The following LAMA1 variants were observed in gnomAD, a reference collection of about 807,000 sequenced individuals.
LAMA1 encodes the protein laminin subunit alpha-1.
In LAMA1, 219 loss-of-function variants were observed where a neutral mutation model predicts 348.7. That is an observed-to-expected ratio of 0.63 (90% CI 0.56 to 0.70). LAMA1 has a LOEUF of 0.70. Among genes scored for constraint, LAMA1 ranks in the 30% least tolerant of loss-of-function variants. The pLI, the probability that LAMA1 is intolerant of heterozygous loss-of-function variation, is 0.00. For synonymous variants in LAMA1, 1,487 were observed against 1,491.0 expected (o/e 1.00, Z 0.06); for missense variants, 3,744 against 3,888.0 (o/e 0.96, Z 0.99).
intron 22 of LAMA1, 42 bp downstream of exon 22, chr18:7,015,680 A>T: frequency 1.4e-5 from 22 of 1,612,198 alleles, no homozygotes; most frequent in Non-Finnish European, 1.9e-5. Context: ...GCTACAGCAA[A>T]GCAACTCTCA....
At position 6,941,974 on chromosome 18, in the gene LAMA1, A is replaced by C; in HGVS notation, c.*105T>G. ...ACAACATCTCTCCCCAGAAACACTT[A>C]ACCTGAGTTGGAAATGAAATATGAA... On this transcript the variant is annotated 3_prime_UTR_variant, in exon 63 of 63. Coordinates refer to ENST00000389658, the MANE Select transcript of LAMA1 (RefSeq NM_005559.4). 2.1e-6 allele frequency: 3 copies of C among 1,439,322 alleles called. No individual in the cohort carries two copies. In the African/African-American group the frequency reaches 4.2e-5, roughly 20 times the overall value. The allele number at this position is 1,439,322 out of a possible 1,614,324, so 89.2% of individuals were successfully genotyped here.
At chr18:6,955,252 A>G (rs976997228) in intron 57 of LAMA1, 101 bp downstream of exon 57, 2 of 926,552 alleles carry the variant, frequency 2.2e-6, no homozygotes, top group African/African-American at 3.3e-5. Flanking sequence ...ACTTCATCAT[A>G]AAATAAAAGC....
chr18:7,063,543 G>A (rs963820386), intron 3 of LAMA1, among the ~76,000 whole-genome samples: 12 of 152,196 alleles, frequency 7.9e-5, no homozygotes, highest in African/African-American at 2.9e-4. Context: ...GAATACACAT[G>A]TACACCAATG....
chr18:7,012,957 C>T (rs371472525), intron 23 of LAMA1, among the ~76,000 whole-genome samples: 2 of 150,854 alleles, frequency 1.3e-5, no homozygotes, highest in Non-Finnish European at 3.0e-5. Context: ...GTCAGGAGTT[C>T]GAGACCAGCC....
In LAMA1 at chr18:7,010,397, TA is replaced by T; in HGVS notation, c.3688-13del. 2 of 1,612,732 alleles carry T rather than the reference TA, an allele frequency of 1.2e-6. No individual in the cohort carries two copies. The highest frequency in any genetic ancestry group is 1.1e-5 in the South Asian group (1 of 91,070). On this transcript the variant is annotated splice_polypyrimidine_tract_variant and intron_variant, in intron 25 of 62. Coordinates refer to ENST00000389658, the MANE Select transcript of LAMA1 (RefSeq NM_005559.4). ...CCATAGGCCATGAGCTATCAAATAA[TA>T]AAGTGTTGTTTACTTCTCTGACAAA...
In LAMA1 at chr18:6,999,633, G is replaced by C; in HGVS notation, c.4475C>G (p.Ser1492Cys). 6.2e-7 allele frequency: 1 copy of C among 1,609,772 alleles called. No individual in the cohort carries two copies. The highest frequency in any genetic ancestry group is 8.5e-7 in the Non-Finnish European group (1 of 1,178,094). ...TTGAGGGTTCCCATAATAGCTTGAG[G>C]AGCACCTACAGAAAGGAAGGGACAT... ...GYEGKHCERC[S>C]SSYYGNPQTP... Residue 1492 changes from serine to cysteine, a missense_variant, in exon 32 of 63, where the codon TCC becomes TGC. By Grantham distance (112) the Ser-to-Cys change is moderately radical. This residue lies in a region of LAMA1 where 1,983 missense variants were observed against 1,934.3 expected (regional missense o/e 1.03). Coordinates refer to ENST00000389658, the MANE Select transcript of LAMA1 (RefSeq NM_005559.4).
intron 3 of LAMA1, among the ~76,000 whole-genome samples, chr18:7,063,230 GTCTATAT>G (rs1305257725): frequency 6.6e-6 from 1 of 152,024 alleles, no homozygotes; most frequent in Admixed American, 6.5e-5. Context: ...TGGATCCTTG[GTCTATAT>G]TCTACTTGAA....
intron 1 of LAMA1, among the ~76,000 whole-genome samples, chr18:7,108,897 T>C (rs2058325020): frequency 6.6e-6 from 1 of 152,098 alleles, no homozygotes; most frequent in African/African-American, 2.4e-5. Flanking sequence ...ACTGTGGATT[T>C]TGACGGGTGG....
At chr18:7,061,438 T>C (rs967814610) in intron 3 of LAMA1, among the ~76,000 whole-genome samples, 2 of 152,276 alleles carry the variant, frequency 1.3e-5, no homozygotes, top group African/African-American at 4.8e-5. Context: ...CCTAGAATGA[T>C]ATAAACCCAC....
At chr18:7,014,622 AGAGT>A (rs1271170932) in intron 22 of LAMA1, among the ~76,000 whole-genome samples, 1 of 151,920 alleles carries the variant, frequency 6.6e-6, no homozygotes, top group Non-Finnish European at 1.5e-5. Flanking sequence ...CCTGGGTGAC[AGAGT>A]AAGATCCTGT....
chr18:7,080,321 G>A lies in LAMA1; in HGVS notation c.198C>T (p.Cys66=). The A allele has an allele frequency of 6.2e-7, 1 of 1,614,228 alleles. No individual in the cohort carries two copies. Among genetic ancestry groups the A allele is most frequent in the Non-Finnish European group, 8.5e-7 (1 of 1,180,054 alleles). ...TTGCGCTGTTGCCATCACAGATCCG[G>A]CACTGTGGGTTTCGGACGGGCCGAC... The part of the protein sequence containing the change: ...VPGRPVRNPQ[C]RICDGNSANP... The change falls in exon 2 of 63, where the codon TGC becomes TGT. Residue 66 remains cysteine, a synonymous_variant. Coordinates refer to ENST00000389658, the MANE Select transcript of LAMA1 (RefSeq NM_005559.4).
chr18:6,978,225 T>C lies in LAMA1; in HGVS notation c.6161A>G (p.His2054Arg). Residue 2054 changes from histidine to arginine, a missense_variant, in exon 43 of 63, where the codon CAC (histidine) becomes CGC (arginine). Coordinates refer to ENST00000389658, the MANE Select transcript of LAMA1 (RefSeq NM_005559.4). Reference sequence around the variant, plus strand: ...CATGGTGGAGTCCTGCAGAAGCTGGTGTGTCTCTCGTAATGTGGTGTTGAC... The same window carrying C: ...CATGGTGGAGTCCTGCAGAAGCTGGCGTGTCTCTCGTAATGTGGTGTTGAC... Reference protein sequence around the residue: ...SRVNTTLRETHQLLQDSTMAT... With the variant: ...SRVNTTLRETRQLLQDSTMAT... 6.2e-7 allele frequency: 1 copy of C among 1,614,180 alleles called. No individual in the cohort carries two copies.
intron 48 of LAMA1, among the ~76,000 whole-genome samples, chr18:6,970,705 C>T (rs1033439654): frequency 4.6e-5 from 7 of 151,972 alleles, no homozygotes; most frequent in African/African-American, 1.7e-4. Flanking sequence ...CTCTGCCTCC[C>T]GGGTTCAAGC....
chr18:6,972,111 G>T, intron 47 of LAMA1, 130 bp from the exon 48 acceptor site: 1 of 1,036,180 alleles, frequency 9.7e-7, no homozygotes, highest in Non-Finnish European at 1.4e-6. Flanking sequence ...AGCCACATTA[G>T]AAAAAAGCCA....
At chr18:7,074,854 A>ACACG (rs10678867) in intron 3 of LAMA1, among the ~76,000 whole-genome samples, 87 of 151,178 alleles carry the variant, frequency 5.8e-4, no homozygotes, top group African/African-American at 2.1e-3. Flanking sequence ...ACTAAAATAA[A>ACACG]CAGTAGTTAA....
At chr18:7,065,507 A>C (rs531131058) in intron 3 of LAMA1, among the ~76,000 whole-genome samples, 2 of 152,220 alleles carry the variant, frequency 1.3e-5, no homozygotes, top group East Asian at 3.9e-4. Context: ...ATCACTTATC[A>C]CTTGAGGCCA....
At chr18:6,978,418 T>C in intron 42 of LAMA1, 40 bp from the exon 43 acceptor site, 1 of 1,533,832 alleles carries the variant, frequency 6.5e-7, no homozygotes, top group Non-Finnish European at 9.0e-7. Flanking sequence ...TTCTGGTGCT[T>C]ACACACAGAG....
chr18:7,069,618 G>T (rs1416454237), intron 3 of LAMA1, among the ~76,000 whole-genome samples: 6 of 152,148 alleles, frequency 3.9e-5, no homozygotes, highest in Non-Finnish European at 1.5e-5. Context: ...CACAACTTCT[G>T]CCTCCTGCCC....
Position 6,948,503 on chromosome 18 carries a change from C to T in LAMA1, c.8610G>A (p.Gln2870=). ...CIGDVTVNSK[Q]LDKDSPVSAF... ...CAGACACCGGGCTGTCCTTGTCCAG[C>T]TGTTTGCTGTTAACCGTCACATCCC... is the stretch of plus-strand genomic sequence containing the variant. Residue 2870 remains glutamine, a synonymous_variant, in exon 60 of 63, where the codon CAG becomes CAA. Transcript: ENST00000389658. 1 of 1,614,192 alleles carries T rather than the reference C, an allele frequency of 6.2e-7. No individual in the cohort carries two copies. The highest frequency in any genetic ancestry group is 8.5e-7 in the Non-Finnish European group (1 of 1,180,048).
Sources: allele counts gnomAD v4.1 joint callset (sites outside exome capture counted in the v4.1 genomes callset), GRCh38; gene constraint gnomAD v4.1.1; regional missense constraint gnomAD v4.1.1; transcripts MANE v1.5; gene names NCBI Gene and HGNC (gene_info 2026-07-23, HGNC 2026-07-21).